The following TRPM7 variants were observed in gnomAD, a reference collection of about 807,000 sequenced individuals.
TRPM7 encodes transient receptor potential cation channel subfamily M member 7.
A neutral mutation model predicts 229.7 loss-of-function variants in TRPM7; 134 were observed. That is an observed-to-expected ratio of 0.58 (90% CI 0.51 to 0.67). The LOEUF is 0.67. Among genes scored for constraint, TRPM7 ranks in the 30% least tolerant of loss-of-function variants. TRPM7 has a pLI of 0.00. For synonymous variants in TRPM7, 699 were observed against 715.2 expected (o/e 0.98, Z 0.36); for missense variants, 1,901 against 2,210.0 (o/e 0.86, Z 2.80).
chr15:50,670,973 A>G (rs529844712), intron 1 of TRPM7, among the ~76,000 whole-genome samples: 1 of 152,296 alleles, frequency 6.6e-6, no homozygotes, highest in Admixed American at 6.5e-5. Flanking sequence ...CAGGAATTTG[A>G]GACCAGATAA....
chr15:50,663,626 C>T (rs972719895), intron 1 of TRPM7, among the ~76,000 whole-genome samples: 1 of 152,066 alleles, frequency 6.6e-6, no homozygotes, highest in Admixed American at 6.6e-5. Flanking sequence ...CACTACGAAC[C>T]AAAAACCTTA....
chr15:50,592,244 C>A lies in TRPM7; in HGVS notation c.3991G>T (p.Gly1331Cys). 1 of 1,614,018 alleles carries A rather than the reference C, an allele frequency of 6.2e-7. No individual in the cohort carries two copies. Among genetic ancestry groups the A allele is most frequent in the Non-Finnish European group, 8.5e-7 (1 of 1,180,014 alleles). ...DDKDPQCNIF[G>C]QDLPAVPQRK... ...TGGGGTACTGCAGGTAAGTCTTGAC[C>A]AAATATATTACACTGGGGATCTTTG... Residue 1331 changes from glycine (G) to cysteine (C), a missense_variant, in exon 26 of 39, where the codon GGT (glycine) becomes TGT (cysteine). Gly to Cys is a radical substitution (Grantham distance 159, BLOSUM62 -3). This residue lies in a region of TRPM7 where 533 missense variants were observed against 497.1 expected (regional missense o/e 1.07). Coordinates refer to ENST00000646667, the MANE Select transcript of TRPM7 (RefSeq NM_017672.6).
Position 50,595,978 on chromosome 15 carries a change from T to A in TRPM7, c.3290+277A>T, listed in dbSNP as rs540257. Among the ~76,000 whole-genome samples the A allele has an allele frequency of 0.09, 13,779 of 152,260 alleles. 663 individuals are homozygous for A. The highest frequency in any genetic ancestry group is 0.12 in the South Asian group (588 of 4,830). ...TATTAACAGTGGAATTACTGATGAATTTTCTATATTGAATGCGTATTTGTT... is the reference window on the plus strand; with the variant it reads ...TATTAACAGTGGAATTACTGATGAAATTTCTATATTGAATGCGTATTTGTT... On this transcript the variant is annotated intron_variant, in intron 23 of 38. Coordinates refer to ENST00000646667, the MANE Select transcript of TRPM7 (RefSeq NM_017672.6).
At chr15:50,636,770 AT>A (rs1050224782) in intron 7 of TRPM7, among the ~76,000 whole-genome samples, 1 of 152,046 alleles carries the variant, frequency 6.6e-6, no homozygotes, top group African/African-American at 2.4e-5. Context: ...TCTTTCAGTG[AT>A]TTTTTTCCCT....
intron 38 of TRPM7, among the ~76,000 whole-genome samples, chr15:50,563,416 A>G (rs569257995): frequency 6.6e-6 from 1 of 152,340 alleles, no homozygotes; most frequent in Admixed American, 6.5e-5. Flanking sequence ...TGTTTCAAGA[A>G]CTATTCTGAT....
intron 13 of TRPM7, among the ~76,000 whole-genome samples, chr15:50,615,401 AAAGAT>A (rs1460176744): frequency 1.3e-5 from 2 of 152,134 alleles, no homozygotes; most frequent in Non-Finnish European, 2.9e-5. Flanking sequence ...AACATTGTTT[AAAGAT>A]AAGACTTCAT....
At position 50,624,257 on chromosome 15, in the gene TRPM7, T is replaced by A; in HGVS notation, c.1349A>T (p.Asp450Val). ...EQAMLDALVMDRVAFVKLLIE... is the reference protein window; with the variant it reads ...EQAMLDALVMVRVAFVKLLIE... ...AAGAAGTTTTACAAATGCAACTCTATCCATTACAAGAGCATCAAGCATAGC... is the reference window on the plus strand; with the variant it reads ...AAGAAGTTTTACAAATGCAACTCTAACCATTACAAGAGCATCAAGCATAGC... Residue 450 changes from aspartate to valine, a missense_variant, in exon 12 of 39, where the codon GAT (aspartate) becomes GTT (valine). By Grantham distance (152) the Asp-to-Val change is radical (BLOSUM62 -3). This residue lies in a region of TRPM7 where 794 missense variants were observed against 881.9 expected (regional missense o/e 0.90). Transcript: ENST00000646667. The A allele has an allele frequency of 6.2e-7, 1 of 1,612,522 alleles. No individual in the cohort carries two copies. Among genetic ancestry groups the A allele is most frequent in the Non-Finnish European group, 8.5e-7 (1 of 1,179,244 alleles).
At chr15:50,677,405 A>T (rs1265736669) in intron 1 of TRPM7, among the ~76,000 whole-genome samples, 3 of 151,758 alleles carry the variant, frequency 2.0e-5, no homozygotes, top group African/African-American at 7.3e-5. Context: ...TCAGTACATA[A>T]CAACAACAAC....
Position 50,604,863 on chromosome 15 carries a change from T to C in TRPM7, c.2988+3A>G. Reference sequence around the variant, plus strand: ...GAGTATTATCAAACATCTGTCAACTTACCATTTTTCCAATCATCATTACAT... The same window carrying C: ...GAGTATTATCAAACATCTGTCAACTCACCATTTTTCCAATCATCATTACAT... On this transcript the variant is annotated splice_donor_region_variant and intron_variant, in intron 21 of 38. Transcript: ENST00000646667. 2 of 1,559,504 alleles carry C rather than the reference T, an allele frequency of 1.3e-6. No homozygotes were observed. The highest frequency in any genetic ancestry group is 1.7e-6 in the Non-Finnish European group (2 of 1,153,334).
intron 8 of TRPM7, among the ~76,000 whole-genome samples, chr15:50,634,112 A>C (rs2060815813): frequency 6.6e-6 from 1 of 152,108 alleles, no homozygotes; most frequent in Admixed American, 6.5e-5. Context: ...TGAGGTCAGG[A>C]GTTCAAGACT....
chr15:50,584,910 C>G (rs573768172), intron 28 of TRPM7, among the ~76,000 whole-genome samples: 85 of 152,168 alleles, frequency 5.6e-4, no homozygotes, highest in African/African-American at 2.0e-3. Flanking sequence ...GCTCCCATTC[C>G]CATTGCACAG....
chr15:50,561,597 A>C lies in TRPM7; in HGVS notation c.*81T>G. The C allele has an allele frequency of 6.4e-7, 1 of 1,554,104 alleles. No homozygotes were observed. The highest frequency in any genetic ancestry group is 8.7e-7 in the Non-Finnish European group (1 of 1,143,020). ...TGCATACACCTTTCTATATTACCAA[A>C]CAATTTCCTCCCGAGGGAAAAGTGA... On this transcript the variant is annotated 3_prime_UTR_variant, in exon 39 of 39. Transcript: ENST00000646667.
chr15:50,641,749 C>G (rs962930246), intron 5 of TRPM7, among the ~76,000 whole-genome samples: 13 of 152,274 alleles, frequency 8.5e-5, no homozygotes, highest in African/African-American at 2.4e-4. Context: ...CCTGTAACCC[C>G]AGTACTTTGG....
chr15:50,684,321 G>C (rs72740482), intron 1 of TRPM7, among the ~76,000 whole-genome samples: 8,931 of 151,980 alleles, frequency 0.059, 337 homozygotes, highest in African/African-American at 0.11. Flanking sequence ...CAAGTCTTTA[G>C]ATTAACTACT....
At chr15:50,593,199 G>A (rs866930533) in intron 25 of TRPM7, among the ~76,000 whole-genome samples, 1 of 152,150 alleles carries the variant, frequency 6.6e-6, no homozygotes, top group African/African-American at 2.4e-5. Flanking sequence ...TGAGGCAGGA[G>A]AATCACTTGA....
intron 20 of TRPM7, 105 bp downstream of exon 20, chr15:50,607,095 A>G (rs1029620126): frequency 4.1e-6 from 4 of 983,576 alleles, no homozygotes; most frequent in Middle Eastern, 4.4e-4. Flanking sequence ...CTACAATGTC[A>G]TCATACACAC....
intron 19 of TRPM7, 34 bp downstream of exon 19, chr15:50,609,546 TA>T: frequency 6.3e-7 from 1 of 1,578,436 alleles, no homozygotes; most frequent in Non-Finnish European, 8.6e-7. Context: ...GCCTAACTCT[TA>T]AAAACATTAT....
chr15:50,586,362 T>C (rs896100294), intron 28 of TRPM7, 30 bp downstream of exon 28: 1 of 1,375,828 alleles, frequency 7.3e-7, no homozygotes, highest in African/African-American at 1.4e-5. Context: ...GTATGTTTTC[T>C]GACACTATTC....
In TRPM7 at chr15:50,561,592, A is replaced by T. The variant is rs1302103513; in HGVS notation, c.*86T>A. The stretch of plus-strand genomic sequence containing the variant: ...CAACTTGCATACACCTTTCTATATT[A>T]CCAAACAATTTCCTCCCGAGGGAAA... On this transcript the variant is annotated 3_prime_UTR_variant, in exon 39 of 39. Coordinates refer to ENST00000646667, the MANE Select transcript of TRPM7 (RefSeq NM_017672.6). The T allele has an allele frequency of 1.0e-5, 16 of 1,529,824 alleles. No individual in the cohort carries two copies. Among genetic ancestry groups the T allele is most frequent in the Admixed American group, 4.0e-5 (2 of 50,616 alleles). 94.8% of individuals were successfully genotyped at this position (1,529,824 alleles called of 1,614,324 possible). A position where few individuals can be genotyped will look rare whatever the true frequency, so the allele number is the denominator to read the frequency against.
Sources: allele counts gnomAD v4.1 joint callset (sites outside exome capture counted in the v4.1 genomes callset), GRCh38; gene constraint gnomAD v4.1.1; regional missense constraint gnomAD v4.1.1; transcripts MANE v1.5; gene names NCBI Gene and HGNC (gene_info 2026-07-23, HGNC 2026-07-21).